The following RMND1 variants were observed in gnomAD, a reference collection of about 807,000 sequenced individuals.
The protein encoded by RMND1 is required for meiotic nuclear division 1 homolog.
A neutral mutation model predicts 54.0 loss-of-function variants in RMND1; 41 were observed. That is an observed-to-expected ratio of 0.76 (90% confidence interval 0.59 to 0.98). RMND1 has a LOEUF of 0.98. Among genes scored for constraint, RMND1 ranks in the 50% least tolerant of loss-of-function variants. The probability of loss-of-function intolerance (pLI) is 0.00; values close to 1 mark genes in which losing one functional copy is unlikely to be tolerated. For synonymous variants in RMND1, 183 were observed against 181.7 expected (o/e 1.01, Z -0.06); for missense variants, 457 against 532.0 (o/e 0.86, Z 1.39).
At chr6:151,417,492 CTT>C (rs138222695) in intron 9 of RMND1, 93 bp from the exon 10 acceptor site, 1,439 of 815,052 alleles carry the variant, frequency 1.8e-3, no homozygotes, top group South Asian at 2.6e-3. Context: ...TTTATGAAAA[CTT>C]TTTTTTTTTT....
intron 10 of RMND1, among the ~76,000 whole-genome samples, chr6:151,409,763 T>A (rs1217397455): frequency 1.3e-5 from 2 of 151,880 alleles, no homozygotes; most frequent in South Asian, 2.1e-4. Flanking sequence ...CATTTGAAAA[T>A]CCCCAGGAGA....
chr6:151,440,654 C>G (rs1297956482), intron 2 of RMND1, among the ~76,000 whole-genome samples: 1 of 152,232 alleles, frequency 6.6e-6, no homozygotes. Context: ...GTTTGCTACA[C>G]TACTTTCTGT....
chr6:151,430,799 A>C (rs904723009), intron 4 of RMND1, among the ~76,000 whole-genome samples: 1 of 152,194 alleles, frequency 6.6e-6, no homozygotes, highest in African/African-American at 2.4e-5. Flanking sequence ...AAGCTGTTTC[A>C]GGTAGTAAAT....
At chr6:151,424,992 G>A (rs1014879235) in intron 6 of RMND1, among the ~76,000 whole-genome samples, 1 of 152,160 alleles carries the variant, frequency 6.6e-6, no homozygotes, top group Non-Finnish European at 1.5e-5. Context: ...ACCCAGACTG[G>A]AGTGTAGTGG....
chr6:151,438,545 G>A lies in RMND1; in HGVS notation c.505-1991C>T, dbSNP rs186668874. ...CAGCTCGGAGAACCATCCAACTCAA[G>A]AGTTGACCTACATCACGTTTCTAAA... On this transcript the variant is annotated intron_variant, in intron 2 of 11. Transcript: ENST00000444024. Among the ~76,000 whole-genome samples, 558 of 151,826 alleles carry A rather than the reference G, an allele frequency of 3.7e-3. 15 individuals carry two copies. The highest frequency in any genetic ancestry group is 8.9e-4 in the Non-Finnish European group (60 of 67,758).
intron 3 of RMND1, among the ~76,000 whole-genome samples, chr6:151,435,207 A>G (rs13195324): frequency 0.16 from 23,652 of 151,874 alleles, 2,359 homozygotes; most frequent in East Asian, 0.36. Context: ...GTGCAGTGGC[A>G]TGATCTCAGC....
chr6:151,428,635 G>A lies in RMND1; in HGVS notation c.730-1053C>T, dbSNP rs138826503. ...CAGCCTCAAACTCCTGGGTTCGAGCGATCCCCCTGCCTTAGCCTCCCAAGT... is the reference window on the plus strand; with the variant it reads ...CAGCCTCAAACTCCTGGGTTCGAGCAATCCCCCTGCCTTAGCCTCCCAAGT... On this transcript the variant is annotated intron_variant, in intron 5 of 11. Transcript: ENST00000444024. 3.9e-5 allele frequency among the ~76,000 whole-genome samples: 6 copies of A among 152,240 alleles called. No individual in the cohort carries two copies. The East Asian group carries it at 5.8e-4, about 15-fold the overall frequency.
chr6:151,446,030 G>A, intron 1 of RMND1: 1 of 502,266 alleles, frequency 2.0e-6, no homozygotes. Context: ...CCTTCTTCCT[G>A]GAAGATTACA....
At position 151,445,342 on chromosome 6, in the gene RMND1, G is replaced by T. The variant is rs774301263; in HGVS notation, c.470C>A (p.Ser157Tyr). The T allele has an allele frequency of 1.9e-6, 3 of 1,613,226 alleles. 1 individual carries two copies. The South Asian group carries it at 3.3e-5, about 18-fold the overall frequency. ...PLKASRTRQPSRTNLPVLSVN... is the reference protein window; with the variant it reads ...PLKASRTRQPYRTNLPVLSVN... ...AGACAGAACTGGAAGGTTGGTCCTG[G>T]ATGGCTGTCTGGTCCTGGATGCTTT... is the stretch of plus-strand genomic sequence containing the variant. The change falls in exon 2 of 12, where the codon TCC (serine) becomes TAC (tyrosine). Residue 157 changes from serine to tyrosine, a missense_variant. Ser to Tyr is a moderately radical substitution (Grantham distance 144). Coordinates refer to ENST00000444024, the MANE Select transcript of RMND1 (RefSeq NM_017909.4).
chr6:151,407,320 C>T (rs1265439346), intron 10 of RMND1, among the ~76,000 whole-genome samples: 2 of 152,030 alleles, frequency 1.3e-5, no homozygotes, highest in African/African-American at 2.4e-5. Context: ...TTTTCCTTTC[C>T]TCTTGCCCTT....
intron 4 of RMND1, among the ~76,000 whole-genome samples, chr6:151,430,460 CTCTT>C (rs1780420480): frequency 6.6e-6 from 1 of 152,150 alleles, no homozygotes; most frequent in Non-Finnish European, 1.5e-5. Context: ...CGTATGTAGA[CTCTT>C]TCATACCTGG....
At chr6:151,434,930 C>T in intron 3 of RMND1, among the ~76,000 whole-genome samples, 1 of 152,076 alleles carries the variant, frequency 6.6e-6, no homozygotes, top group East Asian at 1.9e-4. Flanking sequence ...CTCATTGCAA[C>T]CTCCACCTCC....
chr6:151,439,361 A>C (rs2114962874), intron 2 of RMND1, among the ~76,000 whole-genome samples: 1 of 152,342 alleles, frequency 6.6e-6, no homozygotes, highest in East Asian at 1.9e-4. Flanking sequence ...TTCAGCTACT[A>C]TAGTTTACAG....
intron 4 of RMND1, among the ~76,000 whole-genome samples, chr6:151,430,991 C>T (rs1780433582): frequency 1.3e-5 from 2 of 152,146 alleles, no homozygotes; most frequent in African/African-American, 2.4e-5. Context: ...TTCCTATCCT[C>T]AATCTAGAAA....
At chr6:151,443,256 A>T (rs1780837556) in intron 2 of RMND1, among the ~76,000 whole-genome samples, 1 of 152,138 alleles carries the variant, frequency 6.6e-6, no homozygotes, top group Non-Finnish European at 1.5e-5. Context: ...GAAAAGTAAA[A>T]TCTTCAAAAA....
chr6:151,450,266 G>A (rs1391919892), intron 1 of RMND1, among the ~76,000 whole-genome samples: 9 of 150,878 alleles, frequency 6.0e-5, no homozygotes, highest in East Asian at 2.0e-4. Flanking sequence ...CCGCCGCCCC[G>A]TCTGGGATGT....
chr6:151,410,343 CCG>C (rs1562782819), intron 10 of RMND1, among the ~76,000 whole-genome samples: 2 of 152,286 alleles, frequency 1.3e-5, no homozygotes, highest in East Asian at 3.9e-4. Context: ...GCATGAGCCA[CCG>C]CACCCGGCCT....
chr6:151,443,291 T>C (rs545423170), intron 2 of RMND1, among the ~76,000 whole-genome samples: 4 of 152,258 alleles, frequency 2.6e-5, no homozygotes, highest in African/African-American at 9.6e-5. Flanking sequence ...TTACATTATC[T>C]CAGACCACTT....
At chr6:151,412,220 T>C (rs187289899) in intron 10 of RMND1, among the ~76,000 whole-genome samples, 12 of 152,342 alleles carry the variant, frequency 7.9e-5, no homozygotes, top group South Asian at 2.1e-4. Flanking sequence ...CACGCTGGCC[T>C]TGAACTCCTG....
Sources: gnomAD v4.1 joint callset for allele counts (sites outside exome capture counted in the v4.1 genomes callset) on GRCh38, gnomAD v4.1.1 for gene constraint, MANE v1.5 for transcripts, NCBI Gene and HGNC (gene_info 2026-07-23, HGNC 2026-07-21) for gene names.